The following ADGRE3 variants were observed in gnomAD, a reference collection of about 807,000 sequenced individuals.
ADGRE3 encodes adhesion G protein-coupled receptor E3.
Under a neutral mutation model 80.1 loss-of-function variants are expected in ADGRE3, and 88 were observed. The ratio of observed to expected loss-of-function variants is 1.10; its 90% confidence interval spans 0.93 to 1.31. The LOEUF (loss-of-function observed/expected upper bound fraction) is 1.31, where lower values mean the gene tolerates loss of function less well. ADGRE3 is among the 40% of genes most tolerant of loss of function. ADGRE3 has a pLI of 0.00. For missense variants in ADGRE3, 715 were observed against 776.5 expected (o/e 0.92, Z 0.94); for synonymous variants, 281 against 294.8 (o/e 0.95, Z 0.48).
At chr19:14,647,610 G>A (rs955297850) in intron 7 of ADGRE3, among the ~76,000 whole-genome samples, 13 of 150,982 alleles carry the variant, frequency 8.6e-5, no homozygotes, top group African/African-American at 3.2e-4. Context: ...TAGAGATAGG[G>A]TTTCACTATG....
chr19:14,638,557 C>A (rs1448699762), intron 10 of ADGRE3, among the ~76,000 whole-genome samples: 1 of 151,966 alleles, frequency 6.6e-6, no homozygotes, highest in Non-Finnish European at 1.5e-5. Context: ...TGAGACCAGC[C>A]TGGGCAACTT....
At chr19:14,607,003 C>T in the ADGRE3 span, 1 of 1,284,796 alleles carries the variant, frequency 7.8e-7, no homozygotes, top group Non-Finnish European at 9.9e-7. Context: ...AATTTTGTGG[C>T]CAAGGCCCAT....
the ADGRE3 span, among the ~76,000 whole-genome samples, chr19:14,605,301 G>A: frequency 6.6e-6 from 1 of 151,974 alleles, no homozygotes; most frequent in Non-Finnish European, 1.5e-5. Flanking sequence ...TTGCCACGTT[G>A]GCCAAGCTGG....
intron 2 of ADGRE3, among the ~76,000 whole-genome samples, chr19:14,664,518 T>C (rs540866561): frequency 6.6e-6 from 1 of 152,110 alleles, no homozygotes; most frequent in South Asian, 2.1e-4. Context: ...GCAGCCTGGG[T>C]AACATAGCAA....
chr19:14,650,972 T>G, intron 7 of ADGRE3, 113 bp downstream of exon 7: 1 of 1,074,284 alleles, frequency 9.3e-7, no homozygotes, highest in Non-Finnish European at 1.3e-6. Context: ...TCCAATATCG[T>G]AGTTTGAGGG....
chr19:14,663,576 G>A (rs775849796), intron 2 of ADGRE3, 36 bp from the exon 3 acceptor site: 3 of 1,596,860 alleles, frequency 1.9e-6, no homozygotes, highest in East Asian at 4.5e-5. Flanking sequence ...AATGGACTGG[G>A]GTCACAAACT....
intron 12 of ADGRE3, 87 bp from the exon 13 acceptor site, chr19:14,633,099 T>C (rs1354373881): frequency 7.9e-7 from 1 of 1,265,680 alleles, no homozygotes; most frequent in African/African-American, 1.5e-5. Flanking sequence ...TCCTACCCTC[T>C]TGTACATGGG....
chr19:14,617,390 C>CTTTCTTTCTTTCTTTCTTTCTTTA (rs1599594071), downstream of ADGRE3, among the ~76,000 whole-genome samples: 1 of 103,356 alleles, frequency 9.7e-6, no homozygotes, highest in Non-Finnish European at 1.8e-5. Context: ...TTCTTTCTTT[C>CTTTCTTTCTTTCTTTCTTTCTTTA]TTTCTTTCTT....
chr19:14,661,319 C>G (rs1177244433), intron 4 of ADGRE3, among the ~76,000 whole-genome samples: 1 of 152,154 alleles, frequency 6.6e-6, no homozygotes, highest in Non-Finnish European at 1.5e-5. Flanking sequence ...AGGAGCAGAT[C>G]CAAAGATGAT....
At chr19:14,604,588 C>T in the ADGRE3 span, among the ~76,000 whole-genome samples, 1 of 152,078 alleles carries the variant, frequency 6.6e-6, no homozygotes, top group Non-Finnish European at 1.5e-5. Context: ...CATGGTGAAA[C>T]CCTGTTTCTA....
At chr19:14,607,863 A>C in the ADGRE3 span, among the ~76,000 whole-genome samples, 2 of 151,498 alleles carry the variant, frequency 1.3e-5, no homozygotes, top group Non-Finnish European at 1.5e-5. Context: ...GGGGTGAGCC[A>C]CTGCGCCCAA....
chr19:14,603,610 C>T, the ADGRE3 span, among the ~76,000 whole-genome samples: 1 of 151,790 alleles, frequency 6.6e-6, no homozygotes, highest in African/African-American at 2.4e-5. Context: ...TAGTCACGTG[C>T]CACCACTCCC....
At chr19:14,656,565 GCT>G (rs918033090) in intron 5 of ADGRE3, among the ~76,000 whole-genome samples, 4 of 152,060 alleles carry the variant, frequency 2.6e-5, no homozygotes, top group African/African-American at 9.7e-5. Flanking sequence ...TTTACTTACT[GCT>G]CGGGGAAGGC....
intron 6 of ADGRE3, among the ~76,000 whole-genome samples, chr19:14,654,290 T>A (rs999105893): frequency 2.7e-5 from 4 of 149,264 alleles, no homozygotes; most frequent in African/African-American, 7.4e-5. Flanking sequence ...TGAGACAGGT[T>A]CTTGTTCTGT....
rs140552399 is a variant in ADGRE3 at position 14,641,507 on chromosome 19, G to A, written c.1160C>T (p.Thr387Ile). Residue 387 changes from threonine (T) to isoleucine (I), a missense_variant, in exon 10 of 16, where the codon ACC becomes ATC. Coordinates refer to ENST00000253673, the MANE Select transcript of ADGRE3 (RefSeq NM_032571.5). Reference protein sequence around the residue: ...TFLLCKAIRNTSTSLHLQLSL... With the variant: ...TFLLCKAIRNISTSLHLQLSL... The stretch of plus-strand genomic sequence containing the variant: ...GAGCTGCAGATGCAGTGAGGTGCTG[G>A]TGTTCCGGATGGCTTTACACAGGAG... 1.9e-6 allele frequency: 3 copies of A among 1,613,630 alleles called. No individual in the cohort carries two copies. Among genetic ancestry groups the A allele is most frequent in the African/African-American group, 2.7e-5 (2 of 74,920 alleles).
chr19:14,673,953 G>A (rs1972321305), intron 1 of ADGRE3, among the ~76,000 whole-genome samples: 1 of 152,000 alleles, frequency 6.6e-6, no homozygotes, highest in Non-Finnish European at 1.5e-5. Flanking sequence ...ACATTATTTA[G>A]CTCCCACTGA....
At chr19:14,668,747 G>C in intron 2 of ADGRE3, 55 bp downstream of exon 2, 1 of 1,494,824 alleles carries the variant, frequency 6.7e-7, no homozygotes, top group East Asian at 2.3e-5. Context: ...ACCATGAGTG[G>C]CTCCAGGTCC....
chr19:14,652,254 C>T, intron 6 of ADGRE3, among the ~76,000 whole-genome samples: 1 of 152,006 alleles, frequency 6.6e-6, no homozygotes. Flanking sequence ...TCCTATTGTA[C>T]ACCTTAAATA....
At chr19:14,623,774 G>A (rs935729987) in intron 15 of ADGRE3, among the ~76,000 whole-genome samples, 21 of 152,152 alleles carry the variant, frequency 1.4e-4, no homozygotes, top group Non-Finnish European at 2.9e-5. Context: ...GTGAGAGTCT[G>A]TGTTAGATTG....
Sources: allele counts gnomAD v4.1 joint callset (sites outside exome capture counted in the v4.1 genomes callset), GRCh38; gene constraint gnomAD v4.1.1; transcripts MANE v1.5; gene names NCBI Gene and HGNC (gene_info 2026-07-23, HGNC 2026-07-21).